The following TEX11 variants were observed in gnomAD, a reference collection of about 807,000 sequenced individuals.
TEX11 encodes the protein testis-expressed protein 11.
A neutral mutation model predicts 84.4 loss-of-function variants in TEX11; 7 were observed. That is an observed-to-expected ratio of 0.08 (90% CI 0.05 to 0.16). The LOEUF is 0.16. Ranked by LOEUF, TEX11 falls within the 10% of genes least tolerant of loss-of-function variation. The pLI, the probability that TEX11 is intolerant of heterozygous loss-of-function variation, is 1.00. For synonymous variants in TEX11, 264 were observed against 222.8 expected, an observed-to-expected ratio of 1.18 and a Z score of -1.64; for missense variants, 551 against 660.5, an observed-to-expected ratio of 0.83 and a Z score of 1.82.
intron 17 of TEX11, among the ~76,000 whole-genome samples, chrX:70,632,316 T>C (rs2089520306): frequency 1.8e-5 from 2 of 111,439 alleles, no homozygotes; most frequent in Admixed American, 9.5e-5. Flanking sequence ...AGAATGGATA[T>C]GATAAAGATC....
At chrX:70,814,576 C>T (rs902876131) in intron 8 of TEX11, among the ~76,000 whole-genome samples, 2 of 112,583 alleles carry the variant, frequency 1.8e-5, no homozygotes, top group Admixed American at 9.4e-5. Flanking sequence ...AATATTTACA[C>T]GTTATCTTTC....
chrX:70,641,603 G>C (rs2089659420), intron 17 of TEX11, among the ~76,000 whole-genome samples: 1 of 111,463 alleles, frequency 9.0e-6, no homozygotes, highest in African/African-American at 3.3e-5. Flanking sequence ...TAGAACTCAG[G>C]ATTAAGAATC....
intron 8 of TEX11, among the ~76,000 whole-genome samples, chrX:70,807,525 G>T (rs1234521558): frequency 9.0e-6 from 1 of 111,405 alleles, no homozygotes; most frequent in Non-Finnish European, 1.9e-5. Context: ...GAGAAATTTT[G>T]ATGCTAATAA....
At chrX:70,841,444 C>T (rs2091443423) in intron 7 of TEX11, among the ~76,000 whole-genome samples, 2 of 110,809 alleles carry the variant, frequency 1.8e-5, no homozygotes, top group African/African-American at 6.6e-5. Context: ...AGAACAAAGA[C>T]ACAACATACC....
intron 13 of TEX11, among the ~76,000 whole-genome samples, chrX:70,703,674 C>T (rs900385123): frequency 1.8e-5 from 2 of 111,726 alleles, no homozygotes; most frequent in Admixed American, 1.9e-4. Flanking sequence ...CCAAAATATT[C>T]CAAACAGATA....
At chrX:70,538,028 T>G (rs763915325) in intron 28 of TEX11, among the ~76,000 whole-genome samples, 1 of 111,474 alleles carries the variant, frequency 9.0e-6, no homozygotes, top group Admixed American at 9.6e-5. Flanking sequence ...TCCCTTCTGC[T>G]GAGAAAAAGG....
intron 16 of TEX11, among the ~76,000 whole-genome samples, chrX:70,662,014 T>C (rs946163087): frequency 4.5e-5 from 5 of 112,109 alleles, no homozygotes; most frequent in African/African-American, 9.7e-5. Flanking sequence ...CAAAGCTGGA[T>C]AGAGAATGAC....
intron 7 of TEX11, among the ~76,000 whole-genome samples, chrX:70,840,003 T>C (rs1042380357): frequency 8.0e-5 from 9 of 111,856 alleles, no homozygotes; most frequent in Non-Finnish European, 1.3e-4. Context: ...CTACGTCTGA[T>C]TGGTGTAGCT....
intron 16 of TEX11, among the ~76,000 whole-genome samples, chrX:70,659,081 A>G (rs2089900849): frequency 8.9e-6 from 1 of 112,362 alleles, no homozygotes; most frequent in Non-Finnish European, 1.9e-5. Flanking sequence ...AGGTGTAAAC[A>G]TAAGAGCTAA....
At chrX:70,728,127 G>A (rs1467240188) in intron 11 of TEX11, among the ~76,000 whole-genome samples, 1 of 112,700 alleles carries the variant, frequency 8.9e-6, no homozygotes, top group Non-Finnish European at 1.9e-5. Context: ...GGCTGTCAAA[G>A]GGTGGTCCCT....
At chrX:70,843,724 A>T (rs2091461648) in intron 7 of TEX11, among the ~76,000 whole-genome samples, 1 of 111,966 alleles carries the variant, frequency 8.9e-6, no homozygotes, top group Non-Finnish European at 1.9e-5. Flanking sequence ...CAAAGGGCTA[A>T]TATCCAGAAT....
At chrX:70,648,769 T>G (rs1386364537) in intron 17 of TEX11, among the ~76,000 whole-genome samples, 1 of 111,471 alleles carries the variant, frequency 9.0e-6, no homozygotes, top group Non-Finnish European at 1.9e-5. Context: ...TTTTATTACG[T>G]AGGCATACGT....
intron 17 of TEX11, among the ~76,000 whole-genome samples, chrX:70,640,165 A>G (rs2089634790): frequency 9.1e-6 from 1 of 110,019 alleles, no homozygotes; most frequent in African/African-American, 3.3e-5. Context: ...AAGAAAGGGT[A>G]TCAGCAATGG....
chrX:70,783,978 A>C (rs1019510884), intron 9 of TEX11, among the ~76,000 whole-genome samples: 2 of 111,874 alleles, frequency 1.8e-5, no homozygotes, highest in Admixed American at 9.5e-5. Context: ...TCATTTTATG[A>C]GGTCAGCATC....
intron 20 of TEX11, among the ~76,000 whole-genome samples, chrX:70,613,840 G>T (rs2089290022): frequency 9.0e-6 from 1 of 111,305 alleles, no homozygotes; most frequent in African/African-American, 3.3e-5. Flanking sequence ...TTGCATCTTG[G>T]ATATCAGATC....
At chrX:70,763,238 A>G (rs775893216) in intron 9 of TEX11, among the ~76,000 whole-genome samples, 1 of 112,038 alleles carries the variant, frequency 8.9e-6, no homozygotes, top group South Asian at 3.7e-4. Context: ...GAAAATGTAT[A>G]TACACCATAG....
chrX:70,639,177 G>A lies in TEX11; in HGVS notation c.1484-9442C>T, dbSNP rs181704293. Among the ~76,000 whole-genome samples, 433 of 111,666 alleles carry A rather than the reference G, an allele frequency of 3.9e-3. 3 individuals carry two copies. The highest frequency in any genetic ancestry group is 0.013 in the East Asian group (45 of 3,480). On this transcript the variant is annotated intron_variant, in intron 17 of 29. Coordinates refer to ENST00000374333, the MANE Select transcript of TEX11 (RefSeq NM_031276.3). ...GGTGACGGACGGCACCTGGAAAATC[G>A]GGTCACTCCCACCTGAATACTGCGC...
intron 16 of TEX11, among the ~76,000 whole-genome samples, 178 bp from the exon 17 acceptor site, chrX:70,651,730 T>C (rs1257101341): frequency 8.9e-6 from 1 of 111,830 alleles, no homozygotes; most frequent in Non-Finnish European, 1.9e-5. Flanking sequence ...CAGTGAGTTA[T>C]ACTTCTGGAA....
chrX:70,801,667 TTCTTTCTTTCTTTCTTTCTTCTC>T (rs2147804056), intron 9 of TEX11, among the ~76,000 whole-genome samples: 2 of 95,489 alleles, frequency 2.1e-5, no homozygotes, highest in Non-Finnish European at 4.3e-5. Context: ...CTTTCTTTCT[TTCTTTCTTTCTTTCTTTCTTCTC>T]TCTTTCTTAA....
Sources: allele counts gnomAD v4.1 joint callset (sites outside exome capture counted in the v4.1 genomes callset), GRCh38; gene constraint gnomAD v4.1.1; transcripts MANE v1.5; gene names NCBI Gene and HGNC (gene_info 2026-07-23, HGNC 2026-07-21).